SHCBP1L: variants seen among roughly 807,000 people sequenced by gnomAD.
SHCBP1L encodes the protein testicular spindle-associated protein SHCBP1L.
A neutral mutation model predicts 62.5 loss-of-function variants in SHCBP1L; 67 were observed. The observed-to-expected ratio is 1.07, with a 90% confidence interval of 0.88 to 1.31. SHCBP1L has a LOEUF of 1.31. Among genes scored for constraint, SHCBP1L ranks in the 40% most tolerant of loss-of-function variants. The pLI is 0.00. For synonymous variants in SHCBP1L, 284 were observed against 289.4 expected (o/e 0.98, Z 0.19); for missense variants, 823 against 809.8 (o/e 1.02, Z -0.20).
chr1:182,936,807 T>G (rs572795166), intron 5 of SHCBP1L, among the ~76,000 whole-genome samples: 3 of 152,158 alleles, frequency 2.0e-5, no homozygotes, highest in African/African-American at 7.2e-5. Context: ...CTCAGCACTT[T>G]GGAGGTCGAG....
At chr1:182,914,177 A>G (rs1036681857) in intron 6 of SHCBP1L, among the ~76,000 whole-genome samples, 4 of 152,226 alleles carry the variant, frequency 2.6e-5, no homozygotes, top group African/African-American at 2.4e-5. Context: ...ATATCTAGAA[A>G]AAATACCTTT....
At chr1:182,942,368 G>A (rs1327994703) in intron 2 of SHCBP1L, 3 of 761,708 alleles carry the variant, frequency 3.9e-6, no homozygotes, top group Non-Finnish European at 7.3e-6. Context: ...TTCCTTGGCG[G>A]CCCCTTCGGC....
At chr1:182,943,931 C>A (rs1016585552) in intron 2 of SHCBP1L, among the ~76,000 whole-genome samples, 1 of 151,456 alleles carries the variant, frequency 6.6e-6, no homozygotes, top group African/African-American at 2.4e-5. Context: ...ACAAGCCTGG[C>A]CAACGTGGTG....
intron 6 of SHCBP1L, among the ~76,000 whole-genome samples, chr1:182,917,049 TA>T (rs202038636): frequency 6.6e-6 from 1 of 150,646 alleles, no homozygotes. Context: ...AAATAAAAGT[TA>T]AAAAAAAAGA....
At chr1:182,947,118 T>C (rs1651591016) in intron 2 of SHCBP1L, among the ~76,000 whole-genome samples, 1 of 151,460 alleles carries the variant, frequency 6.6e-6, no homozygotes, top group South Asian at 2.1e-4. Context: ...GCGCCTATAA[T>C]CCCAGCTACT....
At chr1:182,938,813 C>A (rs1173517690) in intron 5 of SHCBP1L, among the ~76,000 whole-genome samples, 1 of 152,182 alleles carries the variant, frequency 6.6e-6, no homozygotes, top group Non-Finnish European at 1.5e-5. Context: ...TGTAGACAGA[C>A]TCTGTCTATG....
At chr1:182,918,211 C>CACATATATAT (rs1650420407) in intron 6 of SHCBP1L, among the ~76,000 whole-genome samples, 4 of 146,498 alleles carry the variant, frequency 2.7e-5, no homozygotes, top group Non-Finnish European at 3.0e-5. Flanking sequence ...CATATATATA[C>CACATATATAT]ACATATATAT....
intron 6 of SHCBP1L, among the ~76,000 whole-genome samples, chr1:182,924,507 A>G (rs949817605): frequency 1.3e-5 from 2 of 151,546 alleles, no homozygotes; most frequent in African/African-American, 4.9e-5. Context: ...CGTGTTAGCC[A>G]GGATAGTCTT....
At chr1:182,941,252 C>T (rs1364217317) in intron 2 of SHCBP1L, among the ~76,000 whole-genome samples, 1 of 102,622 alleles carries the variant, frequency 9.7e-6, no homozygotes, top group South Asian at 2.8e-4. Flanking sequence ...TACTCAAACA[C>T]CAAAAAAAAA....
intron 7 of SHCBP1L, 104 bp from the exon 8 acceptor site, chr1:182,904,534 C>CGT (rs61031217): frequency 0.08 from 48,040 of 597,304 alleles, 1,402 homozygotes; most frequent in African/African-American, 0.17. Context: ...TCCCTGTGTG[C>CGT]GTGTGTGTGT....
At chr1:182,904,920 A>T (rs1048479464) in intron 7 of SHCBP1L, among the ~76,000 whole-genome samples, 2 of 151,654 alleles carry the variant, frequency 1.3e-5, no homozygotes, top group Non-Finnish European at 2.9e-5. Context: ...CTAACTTTTG[A>T]ATTTTTTGTA....
chr1:182,905,802 G>A (rs1409901736), intron 6 of SHCBP1L, among the ~76,000 whole-genome samples, 153 bp from the exon 7 acceptor site: 4 of 152,012 alleles, frequency 2.6e-5, no homozygotes, highest in Non-Finnish European at 5.9e-5. Flanking sequence ...TCAGTTCATC[G>A]ATTAATATTG....
At chr1:182,913,828 A>G (rs1650267979) in intron 6 of SHCBP1L, among the ~76,000 whole-genome samples, 1 of 152,166 alleles carries the variant, frequency 6.6e-6, no homozygotes, top group African/African-American at 2.4e-5. Flanking sequence ...TAAAAATACA[A>G]AAATTAACCA....
chr1:182,929,448 C>A (rs960509720), intron 6 of SHCBP1L, among the ~76,000 whole-genome samples, 199 bp downstream of exon 6: 2 of 152,122 alleles, frequency 1.3e-5, no homozygotes, highest in Non-Finnish European at 2.9e-5. Flanking sequence ...AACATAGTAC[C>A]TGGCTACAAG....
chr1:182,933,618 A>G (rs780941456), intron 5 of SHCBP1L, among the ~76,000 whole-genome samples: 4 of 152,030 alleles, frequency 2.6e-5, no homozygotes, highest in Non-Finnish European at 4.4e-5. Flanking sequence ...TTTTTATTCT[A>G]TTAATATTAT....
chr1:182,931,033 G>T (rs1208054876), intron 5 of SHCBP1L, among the ~76,000 whole-genome samples: 1 of 151,038 alleles, frequency 6.6e-6, no homozygotes, highest in African/African-American at 2.4e-5. Flanking sequence ...CAATATTTTT[G>T]AGCTGTATCT....
intron 7 of SHCBP1L, 89 bp from the exon 8 acceptor site, chr1:182,904,519 GT>G (rs1649943617): frequency 1.5e-6 from 2 of 1,339,464 alleles, no homozygotes; most frequent in Non-Finnish European, 2.0e-6. Flanking sequence ...TGTTACTAAA[GT>G]TTTTCCCTGT....
rs1176648719 is a variant in SHCBP1L, at chr1:182,939,362, C to T, written c.890G>A (p.Gly297Asp). Residue 297 changes from glycine to aspartate, a missense_variant, in exon 5 of 10, where the codon GGT (glycine) becomes GAT (aspartate). Gly to Asp is a moderately conservative substitution (Grantham distance 94). Coordinates refer to ENST00000367547, the MANE Select transcript of SHCBP1L (RefSeq NM_030933.4). ...WCDIQDGTIP[G>D]PIAQRFKKTL... ...TTTTTTAAAACGTTGTGCGATAGGACCAGGTATTGTTCCATCCTGTATATC... is the reference window on the plus strand; with the variant it reads ...TTTTTTAAAACGTTGTGCGATAGGATCAGGTATTGTTCCATCCTGTATATC... 1 of 1,613,870 alleles carries T rather than the reference C, an allele frequency of 6.2e-7. No homozygotes were observed. The highest frequency in any genetic ancestry group is 1.7e-5 in the Admixed American group (1 of 60,010).
At chr1:182,916,307 C>A (rs1436555351) in intron 6 of SHCBP1L, among the ~76,000 whole-genome samples, 5 of 151,942 alleles carry the variant, frequency 3.3e-5, no homozygotes, top group Admixed American at 2.0e-4. Context: ...AATTTTACAA[C>A]TTAAGAAACT....
Sources: gnomAD v4.1 joint callset for allele counts (sites outside exome capture counted in the v4.1 genomes callset) on GRCh38, gnomAD v4.1.1 for gene constraint, MANE v1.5 for transcripts, NCBI Gene and HGNC (gene_info 2026-07-23, HGNC 2026-07-21) for gene names.